MAP3K7CL: variants seen among roughly 807,000 people sequenced by gnomAD.
MAP3K7CL encodes MAP3K7 C-terminal-like protein.
A neutral mutation model predicts 18.6 loss-of-function variants in MAP3K7CL; 16 were observed. The ratio of observed to expected loss-of-function variants is 0.86; its 90% CI spans 0.58 to 1.31. MAP3K7CL has a LOEUF of 1.31. Ranked by LOEUF, MAP3K7CL falls within the 50% of genes most tolerant of loss-of-function variation. The pLI is 0.00. For synonymous variants in MAP3K7CL, 65 were observed against 66.8 expected, an observed-to-expected ratio of 0.97 and a Z score of 0.13; for missense variants, 163 against 174.4, an observed-to-expected ratio of 0.93 and a Z score of 0.37.
At chr21:29,106,653 T>C (rs1407602746) in intron 4 of MAP3K7CL, among the ~76,000 whole-genome samples, 1 of 152,164 alleles carries the variant, frequency 6.6e-6, no homozygotes, top group Non-Finnish European at 1.5e-5. Flanking sequence ...GAGTTCAGTA[T>C]TGAAAGGTTT....
At chr21:29,101,015 CTT>C (rs756025622) in intron 4 of MAP3K7CL, among the ~76,000 whole-genome samples, 9 of 140,822 alleles carry the variant, frequency 6.4e-5, no homozygotes, top group African/African-American at 7.8e-5. Context: ...CCCGGTCCCT[CTT>C]TTTTTTTTTT....
intron 2 of MAP3K7CL, among the ~76,000 whole-genome samples, chr21:29,147,478 G>A (rs910637095): frequency 9.9e-5 from 15 of 151,566 alleles, no homozygotes; most frequent in African/African-American, 3.4e-4. Flanking sequence ...ATATCTTATT[G>A]TATCTGTACT....
intron 2 of MAP3K7CL, among the ~76,000 whole-genome samples, chr21:29,147,602 A>G (rs994301710): frequency 6.6e-6 from 1 of 150,738 alleles, no homozygotes. Context: ...TACTGTATGT[A>G]TATGTGTACT....
At chr21:29,091,688 G>C (rs1464228221) in exon 3 of MAP3K7CL, 1 of 701,204 alleles carries the variant, frequency 1.4e-6, no homozygotes, top group Non-Finnish European at 2.6e-6. Flanking sequence ...TCGCTATTTT[G>C]CCCAGGTTGG....
chr21:29,168,703 G>A (rs571675484), intron 4 of MAP3K7CL, among the ~76,000 whole-genome samples: 2 of 152,192 alleles, frequency 1.3e-5, no homozygotes, highest in South Asian at 2.1e-4. Flanking sequence ...TTCCATTATT[G>A]GAACACTAAA....
upstream of MAP3K7CL, among the ~76,000 whole-genome samples, chr21:29,125,669 A>G (rs533878848): frequency 1.3e-3 from 203 of 152,252 alleles, no homozygotes; most frequent in African/African-American, 4.8e-3. Context: ...TTGAGCCTTG[A>G]TCCTTGCTTT....
intron 4 of MAP3K7CL, among the ~76,000 whole-genome samples, chr21:29,168,031 C>A (rs1217837405): frequency 1.3e-5 from 2 of 152,234 alleles, no homozygotes; most frequent in East Asian, 1.9e-4. Flanking sequence ...TTATTTGCAT[C>A]CCTTCAGGGT....
chr21:29,159,979 G>A lies in MAP3K7CL; in HGVS notation c.171G>A (p.Glu57=), dbSNP rs771180189. The change falls in exon 4 of 5, where the codon GAG becomes GAA. Residue 57 remains glutamate, a synonymous_variant. Transcript: ENST00000399928. ...PPCHDSEESM[E]VFKQHCQIAE... ...GTCATGACTCCGAGGAATCCATGGA[G>A]GTGTTCAAACAGCACTGCCAAATAG... 1.9e-6 allele frequency: 3 copies of A among 1,614,084 alleles called. No homozygotes were observed. Among genetic ancestry groups the A allele is most frequent in the Non-Finnish European group, 2.5e-6 (3 of 1,179,950 alleles).
chr21:29,117,550 C>T (rs998413265), intron 4 of MAP3K7CL, among the ~76,000 whole-genome samples: 2 of 152,242 alleles, frequency 1.3e-5, no homozygotes, highest in African/African-American at 4.8e-5. Flanking sequence ...GGAAAATTGA[C>T]AGGTGCCTTA....
chr21:29,157,182 G>A (rs78113139), intron 3 of MAP3K7CL, among the ~76,000 whole-genome samples: 2,357 of 152,202 alleles, frequency 0.015, 62 homozygotes, highest in African/African-American at 0.053. Context: ...TGTACAGTTT[G>A]GTAGTGTTAA....
At chr21:29,114,258 A>G (rs921185333) in intron 4 of MAP3K7CL, among the ~76,000 whole-genome samples, 11 of 152,046 alleles carry the variant, frequency 7.2e-5, no homozygotes, top group Non-Finnish European at 1.5e-4. Context: ...TAGTAGAGGC[A>G]GGGTTTCGCC....
At chr21:29,172,226 C>T (rs958382456) in intron 4 of MAP3K7CL, among the ~76,000 whole-genome samples, 3 of 142,592 alleles carry the variant, frequency 2.1e-5, no homozygotes, top group Non-Finnish European at 3.0e-5. Flanking sequence ...AGCACATTGC[C>T]TGTGTTGTCA....
rs2086761839 is a variant in MAP3K7CL at position 29,130,668 on chromosome 21, G to T, written c.-295G>T. On this transcript the variant is annotated 5_prime_UTR_variant, in exon 1 of 5. Coordinates refer to ENST00000399928, the MANE Select transcript of MAP3K7CL (RefSeq NM_001286620.2). ...TGACAACATCCTGGCTGTTAGAGAG[G>T]CAAGGAAAGGAGAGAGGGGTTGTGA... 1 of 985,500 alleles carries T rather than the reference G, an allele frequency of 1.0e-6. No individual in the cohort carries two copies. The highest frequency in any genetic ancestry group is 1.2e-6 in the Non-Finnish European group (1 of 829,964). 61.0% of individuals were successfully genotyped at this position (985,500 alleles called of 1,614,324 possible).
intron 4 of MAP3K7CL, among the ~76,000 whole-genome samples, chr21:29,097,647 C>T (rs75369865): frequency 4.0e-5 from 6 of 151,704 alleles, no homozygotes; most frequent in Admixed American, 6.6e-5. Context: ...TCAAATAACA[C>T]GATATGTAGT....
chr21:29,090,074 G>C (rs2832166), intron 1 of MAP3K7CL, among the ~76,000 whole-genome samples: 59,723 of 152,124 alleles, frequency 0.39, 13,171 homozygotes, highest in South Asian at 0.52. Context: ...GACAGCAGTA[G>C]ATGCAGTAAT....
upstream of MAP3K7CL, among the ~76,000 whole-genome samples, chr21:29,128,935 G>A (rs1017192802): frequency 6.6e-6 from 1 of 152,134 alleles, no homozygotes; most frequent in African/African-American, 2.4e-5. Flanking sequence ...AAGCTTATAT[G>A]TGAATGTTTT....
chr21:29,101,884 A>G (rs1555872875), intron 4 of MAP3K7CL, among the ~76,000 whole-genome samples: 4 of 152,198 alleles, frequency 2.6e-5, no homozygotes, highest in Non-Finnish European at 1.5e-5. Flanking sequence ...ACTTTCATTC[A>G]TTCTTTAGAT....
At chr21:29,166,736 C>G (rs1047398102) in intron 4 of MAP3K7CL, among the ~76,000 whole-genome samples, 3 of 152,196 alleles carry the variant, frequency 2.0e-5, no homozygotes, top group Admixed American at 6.5e-5. Context: ...TGCATCAGTA[C>G]TTCATTCTTT....
intron 4 of MAP3K7CL, among the ~76,000 whole-genome samples, chr21:29,120,700 C>T (rs1317823472): frequency 2.7e-5 from 4 of 150,778 alleles, no homozygotes; most frequent in Non-Finnish European, 5.9e-5. Flanking sequence ...CTGTTTCTTT[C>T]TTTCCTTTCT....
Sources: allele counts gnomAD v4.1 joint callset (sites outside exome capture counted in the v4.1 genomes callset), GRCh38; gene constraint gnomAD v4.1.1; transcripts MANE v1.5; gene names NCBI Gene and HGNC (gene_info 2026-07-23, HGNC 2026-07-21).